ZFHX3: variants seen among roughly 807,000 people sequenced by gnomAD.
ZFHX3 encodes zinc finger homeobox protein 3.
In ZFHX3, 42 loss-of-function variants were observed where a neutral mutation model predicts 279.1. The observed-to-expected ratio is 0.15, with a 90% confidence interval of 0.12 to 0.19. The LOEUF is 0.19. ZFHX3 is among the 10% of genes least tolerant of loss of function. The pLI is 1.00. For synonymous variants in ZFHX3, 2,293 were observed against 1,957.8 expected (o/e 1.17, Z -4.52); for missense variants, 4,981 against 4,754.0 (o/e 1.05, Z -1.40).
chr16:73,219,804 G>A (rs892645600), intron 5 of ZFHX3, among the ~76,000 whole-genome samples: 49 of 152,190 alleles, frequency 3.2e-4, no homozygotes, highest in Admixed American at 7.2e-4. Context: ...TATGTTTGGA[G>A]GCTGGGCATG....
At chr16:73,839,194 T>A (rs1961227140) in intron 1 of ZFHX3, among the ~76,000 whole-genome samples, 1 of 151,318 alleles carries the variant, frequency 6.6e-6, no homozygotes, top group Non-Finnish European at 1.5e-5. Context: ...CTGTCTCTAC[T>A]AAAAATGCAA....
intron 1 of ZFHX3, among the ~76,000 whole-genome samples, chr16:73,817,157 C>T (rs963040628): frequency 6.6e-6 from 1 of 152,138 alleles, no homozygotes; most frequent in African/African-American, 2.4e-5. Flanking sequence ...ACTTCACATG[C>T]AGCCACGTGC....
intron 4 of ZFHX3, among the ~76,000 whole-genome samples, chr16:72,861,521 C>T (rs892560801): frequency 2.6e-5 from 4 of 152,272 alleles, no homozygotes; most frequent in African/African-American, 4.8e-5. Flanking sequence ...TGGGTAATTT[C>T]AAGCTTTTAC....
chr16:73,307,304 A>C (rs927338053), intron 4 of ZFHX3, among the ~76,000 whole-genome samples: 1 of 152,204 alleles, frequency 6.6e-6, no homozygotes, highest in African/African-American at 2.4e-5. Context: ...GCTGACCTAT[A>C]TTTAGAAAAC....
chr16:73,296,361 C>G (rs1402828544), intron 4 of ZFHX3, among the ~76,000 whole-genome samples: 3 of 152,116 alleles, frequency 2.0e-5, no homozygotes, highest in Non-Finnish European at 4.4e-5. Flanking sequence ...GATGGGAGAA[C>G]TTTAATGGGC....
intron 4 of ZFHX3, among the ~76,000 whole-genome samples, chr16:73,297,438 T>A (rs1010644342): frequency 3.9e-5 from 6 of 152,048 alleles, no homozygotes; most frequent in African/African-American, 1.5e-4. Context: ...ATGGACACAG[T>A]AGGAGCCCTA....
chr16:72,991,867 G>C (rs1662566178), intron 1 of ZFHX3, among the ~76,000 whole-genome samples: 2 of 152,172 alleles, frequency 1.3e-5, no homozygotes, highest in African/African-American at 4.8e-5. Flanking sequence ...TCATTAGCCA[G>C]TCAATGTTTA....
intron 1 of ZFHX3, among the ~76,000 whole-genome samples, chr16:73,757,834 G>C (rs907105319): frequency 6.6e-6 from 1 of 152,186 alleles, no homozygotes; most frequent in African/African-American, 2.4e-5. Context: ...CTGTGTCCAA[G>C]AAGCCCAGGA....
chr16:72,892,992 T>A (rs1012533065), intron 3 of ZFHX3, among the ~76,000 whole-genome samples: 4 of 151,802 alleles, frequency 2.6e-5, no homozygotes, highest in African/African-American at 9.7e-5. Context: ...CCCCAACTAC[T>A]CCCCGAGGCC....
intron 1 of ZFHX3, among the ~76,000 whole-genome samples, chr16:73,035,989 T>C (rs12932445): frequency 0.18 from 27,226 of 152,272 alleles, 2,675 homozygotes; most frequent in East Asian, 0.35. Flanking sequence ...CGTCTCCTAC[T>C]CCAGCCTGAT....
chr16:73,769,672 A>T (rs1047985599), intron 1 of ZFHX3, among the ~76,000 whole-genome samples: 1 of 152,132 alleles, frequency 6.6e-6, no homozygotes, highest in African/African-American at 2.4e-5. Context: ...CACTGAAACT[A>T]CTTCTTTATT....
At chr16:73,050,168 C>T (rs1404578823), upstream of ZFHX3, among the ~76,000 whole-genome samples, 1 of 152,114 alleles carries the variant, frequency 6.6e-6, no homozygotes, top group Non-Finnish European at 1.5e-5. Flanking sequence ...CCTGGTAGGC[C>T]CACAGACAAA....
chr16:73,489,468 G>A (rs2019024749), intron 2 of ZFHX3, among the ~76,000 whole-genome samples: 1 of 152,150 alleles, frequency 6.6e-6, no homozygotes, highest in Non-Finnish European at 1.5e-5. Context: ...ATTCATAGAA[G>A]CACTAAGATT....
rs78281218 is a variant in ZFHX3, at chr16:73,424,070, C to A, written c.-1291+31933G>T. Among the ~76,000 whole-genome samples, 1,439 of 152,160 alleles carry A rather than the reference C, an allele frequency of 9.5e-3. 20 individuals are homozygous for A. Among genetic ancestry groups the A allele is most frequent in the African/African-American group, 0.033 (1,365 of 41,514 alleles). On this transcript the variant is annotated intron_variant, in intron 3 of 17. Coordinates refer to the ZFHX3 transcript ENST00000641206. ...GGTGACATCAATGAGCCACTGAATC[C>A]ACCCATCTGAGAGCCCACCCTACCA...
chr16:73,164,864 G>A (rs112870284), intron 5 of ZFHX3, among the ~76,000 whole-genome samples: 123 of 152,242 alleles, frequency 8.1e-4, no homozygotes, highest in African/African-American at 2.9e-3. Flanking sequence ...CTATTACACA[G>A]ATGAGGCAAA....
At chr16:72,846,954 C>T (rs1261548553) in intron 4 of ZFHX3, among the ~76,000 whole-genome samples, 1 of 152,164 alleles carries the variant, frequency 6.6e-6, no homozygotes, top group Non-Finnish European at 1.5e-5. Context: ...ATCTGACCAT[C>T]GTGCTCTGAA....
intron 2 of ZFHX3, among the ~76,000 whole-genome samples, chr16:73,582,641 A>T (rs2051874080): frequency 6.6e-6 from 1 of 151,574 alleles, no homozygotes; most frequent in Non-Finnish European, 1.5e-5. Flanking sequence ...CACCCAGCAA[A>T]TTTTTTGTAT....
intron 4 of ZFHX3, among the ~76,000 whole-genome samples, chr16:72,834,554 T>C (rs895244691): frequency 1.3e-5 from 2 of 152,194 alleles, no homozygotes; most frequent in Admixed American, 6.5e-5. Context: ...ACTTAGCATC[T>C]TGGTAAAGGT....
At chr16:73,435,411 T>C (rs907123094) in intron 3 of ZFHX3, among the ~76,000 whole-genome samples, 1 of 152,130 alleles carries the variant, frequency 6.6e-6, no homozygotes, top group Non-Finnish European at 1.5e-5. Flanking sequence ...GATTTTGCCA[T>C]GTTGGGCAGG....
Sources: gnomAD v4.1 joint callset for allele counts (sites outside exome capture counted in the v4.1 genomes callset) on GRCh38, gnomAD v4.1.1 for gene constraint, MANE v1.5 for transcripts, NCBI Gene and HGNC (gene_info 2026-07-23, HGNC 2026-07-21) for gene names.